Variants in GPR153 observed in about 807,000 individuals in gnomAD.
GPR153 encodes the protein probable G protein-coupled receptor 153.
GPR153 carries 27 observed loss-of-function variants against 34.1 expected under a neutral mutation model. That is an observed-to-expected ratio of 0.79 (90% CI 0.58 to 1.09). GPR153 has a LOEUF of 1.09. GPR153 is among the 50% of genes least tolerant of loss of function. The pLI, the probability that GPR153 is intolerant of heterozygous loss-of-function variation, is 0.00. For missense variants in GPR153, 848 were observed against 860.2 expected (o/e 0.99, Z 0.18); for synonymous variants, 408 against 405.4 (o/e 1.01, Z -0.08).
rs553385679 is a variant in GPR153 at position 6,249,016 on chromosome 1, G to C, written c.*322C>G. On this transcript the variant is annotated 3_prime_UTR_variant, in exon 6 of 6. Coordinates refer to ENST00000377893, the MANE Select transcript of GPR153 (RefSeq NM_207370.4). This position sits in a 1 kb window ranked among gnomAD's most constrained non-coding sequence, Gnocchi z 4.3. ...TTCCCTGCTCCCGACGTCCTGTTGCGCAGGGCTGGTGATGGCGCAGCTGGA... is the reference window on the plus strand; with the variant it reads ...TTCCCTGCTCCCGACGTCCTGTTGCCCAGGGCTGGTGATGGCGCAGCTGGA... 4.2e-6 allele frequency: 1 copy of C among 238,220 alleles called. No homozygotes were observed. Among genetic ancestry groups the C allele is most frequent in the African/African-American group, 2.2e-5 (1 of 44,486 alleles). The allele number at this position is 238,220 out of a possible 1,614,324, so 14.8% of individuals were successfully genotyped here. A position where few individuals can be genotyped will look rare whatever the true frequency, so the allele number is the denominator to read the frequency against.
rs772344924 is a variant in GPR153 at position 6,251,339 on chromosome 1, A to G, written c.978T>C (p.Asp326=). Residue 326 remains aspartate, a splice_region_variant and synonymous_variant, in exon 4 of 6, where the codon GAT becomes GAC. Transcript: ENST00000377893. The surrounding 1 kb of genome is among the most constrained non-coding windows in gnomAD (Gnocchi z 4.9). ...ALMANDEESD[D]ETSLEGGISP... is the part of the protein sequence containing the mutation. ...GGGCCACTCTCAGGCCATCCTCACC[A>G]TCGTCTGACTCCTCGTCGTTGGCCA... 1 of 1,601,236 alleles carries G rather than the reference A, an allele frequency of 6.2e-7. No homozygotes were observed.
chr1:6,257,519 CT>C (rs1270062646), intron 1 of GPR153, among the ~76,000 whole-genome samples: 1 of 152,256 alleles, frequency 6.6e-6, no homozygotes, highest in Non-Finnish European at 1.5e-5. Flanking sequence ...TGCCATGCTT[CT>C]TCCGCGGGGA....
chr1:6,249,541 T>C lies in GPR153; in HGVS notation c.1627A>G (p.Ser543Gly). 1 of 1,199,260 alleles carries C rather than the reference T, an allele frequency of 8.3e-7. No homozygotes were observed. The highest frequency in any genetic ancestry group is 1.0e-6 in the Non-Finnish European group (1 of 967,668). The allele number at this position is 1,199,260 out of a possible 1,614,324, so 74.3% of individuals were successfully genotyped here. The change falls in exon 6 of 6, where the codon AGC (serine) becomes GGC (glycine). Residue 543 changes from serine (S) to glycine (G), a missense_variant. Ser to Gly is a moderately conservative substitution (Grantham distance 56, BLOSUM62 0). Transcript: ENST00000377893. The surrounding 1 kb of genome is among the most constrained non-coding windows in gnomAD (Gnocchi z 4.3). ...CGTGGCCCTGGGCTCCGCTGGGCGCTGCTTGGGGGCGTCGGGGCCTCTCCG... is the reference window on the plus strand; with the variant it reads ...CGTGGCCCTGGGCTCCGCTGGGCGCCGCTTGGGGGCGTCGGGGCCTCTCCG... ...DPGEAPTPPSSAQRSPGPRPS... is the reference protein window; with the variant it reads ...DPGEAPTPPSGAQRSPGPRPS...
Position 6,250,557 on chromosome 1 carries a change from T to G in GPR153, c.1047A>C (p.Gly349=). 6.3e-7 allele frequency: 1 copy of G among 1,597,752 alleles called. No homozygotes were observed. Among genetic ancestry groups the G allele is most frequent in the Non-Finnish European group, 8.5e-7 (1 of 1,173,516 alleles). ...VLERSLDYGY[G]GDFVALDRMA... is the part of the protein sequence containing the mutation. ...TCCTATCTAGGGCCACAAAATCACCTCCATAGCCATAGTCCAGGGAGCGCT... is the reference window on the plus strand; with the variant it reads ...TCCTATCTAGGGCCACAAAATCACCGCCATAGCCATAGTCCAGGGAGCGCT... The change falls in exon 5 of 6, where the codon GGA becomes GGC. Residue 349 remains glycine (G), a synonymous_variant. Transcript: ENST00000377893.
At position 6,253,839 on chromosome 1, in the gene GPR153, G is replaced by GC; in HGVS notation, c.664dup (p.Ala222GlyfsTer85). On this transcript the variant is annotated frameshift_variant, in exon 3 of 6. Coordinates refer to ENST00000377893, the MANE Select transcript of GPR153 (RefSeq NM_207370.4). LOFTEE classifies it high-confidence loss of function. ...GATGGAGGAGCGCCGCTTGCCCTGC[G>GC]CGTCCTCCACCACGATGGTGGGCAC... The GC allele has an allele frequency of 1.9e-6, 3 of 1,601,988 alleles. No homozygotes were observed. The highest frequency in any genetic ancestry group is 2.6e-6 in the Non-Finnish European group (3 of 1,171,928).
At chr1:6,254,264 A>G in intron 2 of GPR153, 117 bp from the exon 3 acceptor site, 1 of 947,118 alleles carries the variant, frequency 1.1e-6, no homozygotes, top group Non-Finnish European at 1.6e-6. Flanking sequence ...CCAGTATATC[A>G]TAGTCATGGC....
rs1304352246 is a variant in GPR153, at chr1:6,260,380, C to CA, written c.-110+444_-110+445insT. ...CCCAACCCCCTGGGGCTCCGATCCC[C>CA]CCCCCCCCCCGCAATCCCCGCTCCG... is the stretch of plus-strand genomic sequence containing the variant. On this transcript the variant is annotated intron_variant, in intron 1 of 5. Transcript: ENST00000377893. Among the ~76,000 whole-genome samples, 14 of 51,948 alleles carry CA rather than the reference C, an allele frequency of 2.7e-4. 1 individual carries two copies. The highest frequency in any genetic ancestry group is 5.3e-4 in the African/African-American group (6 of 11,346). The allele number at this position is 51,948 out of a possible 152,430, so 34.1% of individuals were successfully genotyped here.
At position 6,249,689 on chromosome 1, in the gene GPR153, G is replaced by T; in HGVS notation, c.1479C>A (p.Ser493=). Residue 493 remains serine, a synonymous_variant, in exon 6 of 6, where the codon TCC becomes TCA. Transcript: ENST00000377893. This position sits in a 1 kb window ranked among gnomAD's most constrained non-coding sequence, Gnocchi z 4.3. ...PRRRPGPGPR[S]ASASLLPDAF... Reference sequence around the variant, plus strand: ...CGTCGGGCAGCAGCGAGGCCGAGGCGGAGCGGGGGCCGGGCCCGGGGCGGC... The same window carrying T: ...CGTCGGGCAGCAGCGAGGCCGAGGCTGAGCGGGGGCCGGGCCCGGGGCGGC... The T allele has an allele frequency of 9.5e-7, 1 of 1,049,808 alleles. No individual in the cohort carries two copies. 65.0% of individuals were successfully genotyped at this position (1,049,808 alleles called of 1,614,324 possible). A position where few individuals can be genotyped will look rare whatever the true frequency, so the allele number is the denominator to read the frequency against.
In GPR153 at chr1:6,251,002, AG is replaced by A. The variant is rs1385400879; in HGVS notation, c.979+335del. Among the ~76,000 whole-genome samples, 1 of 151,980 alleles carries A rather than the reference AG, an allele frequency of 6.6e-6. No individual in the cohort carries two copies. The highest frequency in any genetic ancestry group is 1.5e-5 in the Non-Finnish European group (1 of 67,986). ...TCCAGACAGGACCTCGGTCTGCAGG[AG>A]CCCCCAGGGCAGCTTGCTGGGGATC... is the stretch of plus-strand genomic sequence containing the variant. On this transcript the variant is annotated intron_variant, in intron 4 of 5. Coordinates refer to ENST00000377893, the MANE Select transcript of GPR153 (RefSeq NM_207370.4). This position sits in a 1 kb window ranked among gnomAD's most constrained non-coding sequence, Gnocchi z 4.9.
In GPR153 at chr1:6,247,855, C is replaced by G. The variant is rs1399691218; in HGVS notation, c.*1483G>C. The G allele has an allele frequency of 1.3e-5, 2 of 152,346 alleles. No individual in the cohort carries two copies. Among genetic ancestry groups the G allele is most frequent in the African/African-American group, 4.8e-5 (2 of 41,480 alleles). 9.4% of individuals were successfully genotyped at this position (152,346 alleles called of 1,614,324 possible). On this transcript the variant is annotated 3_prime_UTR_variant, in exon 6 of 6. Coordinates refer to ENST00000377893, the MANE Select transcript of GPR153 (RefSeq NM_207370.4). ...CACCTGTGGCCACAGCTCATACCCC[C>G]AGTTACCCCACAGCCAGGGACTGGA...
At position 6,258,161 on chromosome 1, in the gene GPR153, G is replaced by A. The variant is rs575817974; in HGVS notation, c.-110+2664C>T. Among the ~76,000 whole-genome samples, 38 of 152,072 alleles carry A rather than the reference G, an allele frequency of 2.5e-4. No individual in the cohort carries two copies. In the South Asian group the frequency reaches 7.5e-3, roughly 30 times the overall value. On this transcript the variant is annotated intron_variant, in intron 1 of 5. Transcript: ENST00000377893. ...TCCAGAGTTCTTTCTTTTTTTTTGAGATGGAGTTTTACTCTTATTACCCAG... is the reference window on the plus strand; with the variant it reads ...TCCAGAGTTCTTTCTTTTTTTTTGAAATGGAGTTTTACTCTTATTACCCAG...
Position 6,250,575 on chromosome 1 carries a change from G to GGAGC in GPR153, c.1025_1028dup (p.Asp345ProfsTer8), listed in dbSNP as rs747236159. ...AATCACCTCCATAGCCATAGTCCAG[G>GGAGC]GAGCGCTCCAACACCAGGTCCGGGG... On this transcript the variant is annotated frameshift_variant, in exon 5 of 6. Coordinates refer to ENST00000377893, the MANE Select transcript of GPR153 (RefSeq NM_207370.4). LOFTEE classifies it high-confidence loss of function. The GGAGC allele has an allele frequency of 2.5e-6, 4 of 1,587,562 alleles. No individual in the cohort carries two copies. The highest frequency in any genetic ancestry group is 2.6e-6 in the Non-Finnish European group (3 of 1,168,362).
chr1:6,255,650 T>TTTG (rs1638552969), intron 1 of GPR153, among the ~76,000 whole-genome samples: 2 of 124,154 alleles, frequency 1.6e-5, no homozygotes, highest in African/African-American at 7.0e-5. Flanking sequence ...ACGTTTTTTT[T>TTTG]TTTTTTTTTT....
intron 5 of GPR153, 161 bp from the exon 6 acceptor site, chr1:6,250,164 C>T (rs1247468398): frequency 5.1e-6 from 5 of 985,292 alleles, no homozygotes; most frequent in African/African-American, 1.7e-5. Flanking sequence ...CTCTTCGAGC[C>T]GCAGGGCTGT....
chr1:6,257,580 G>A (rs1309990325), intron 1 of GPR153, among the ~76,000 whole-genome samples: 1 of 152,224 alleles, frequency 6.6e-6, no homozygotes, highest in Non-Finnish European at 1.5e-5. Flanking sequence ...CCCAGGTCTG[G>A]CACACACTGG....
chr1:6,249,036 G>T lies in GPR153; in HGVS notation c.*302C>A. 1 of 273,866 alleles carries T rather than the reference G, an allele frequency of 3.7e-6. No individual in the cohort carries two copies. Among genetic ancestry groups the T allele is most frequent in the Non-Finnish European group, 6.8e-6 (1 of 146,730 alleles). 17.0% of individuals were successfully genotyped at this position (273,866 alleles called of 1,614,324 possible). ...GTTGCGCAGGGCTGGTGATGGCGCAGCTGGACGTGTGCACATGTCACTCAC... is the reference window on the plus strand; with the variant it reads ...GTTGCGCAGGGCTGGTGATGGCGCATCTGGACGTGTGCACATGTCACTCAC... On this transcript the variant is annotated 3_prime_UTR_variant, in exon 6 of 6. Coordinates refer to ENST00000377893, the MANE Select transcript of GPR153 (RefSeq NM_207370.4). The surrounding 1 kb of genome is among the most constrained non-coding windows in gnomAD (Gnocchi z 4.3).
In GPR153 at chr1:6,254,421, C is replaced by A. The variant is rs141865266; in HGVS notation, c.356+129G>T. 9.2e-4 allele frequency: 843 copies of A among 915,628 alleles called. 1 individual carries two copies. The African/African-American group carries it at 0.012, about 13-fold the overall frequency. The allele number at this position is 915,628 out of a possible 1,614,324, so 56.7% of individuals were successfully genotyped here. On this transcript the variant is annotated intron_variant, in intron 2 of 5. Coordinates refer to ENST00000377893, the MANE Select transcript of GPR153 (RefSeq NM_207370.4). Reference sequence around the variant, plus strand: ...CCCCCAGCAGCTTACAGCAGCCCCTCCTGAGCCTGCCTGCCCTCCCAGCAT... The same window carrying A: ...CCCCCAGCAGCTTACAGCAGCCCCTACTGAGCCTGCCTGCCCTCCCAGCAT...
chr1:6,255,642 GTTTTTTTTTTTTT>G (rs59403526), intron 1 of GPR153, among the ~76,000 whole-genome samples: 3 of 38,840 alleles, frequency 7.7e-5, no homozygotes, highest in Admixed American at 4.9e-4. Context: ...GCCTGGCTAC[GTTTTTTTTTTTTT>G]TTTTTTTTTT....
chr1:6,260,616 G>C (rs972964406), intron 1 of GPR153, among the ~76,000 whole-genome samples: 19 of 151,912 alleles, frequency 1.3e-4, no homozygotes, highest in Admixed American at 1.2e-3. Context: ...GCTAGGCCCC[G>C]ATGCAGGGGG....
Sources: gnomAD v4.1 joint callset for allele counts (sites outside exome capture counted in the v4.1 genomes callset) on GRCh38, gnomAD v4.1.1 for gene constraint, Gnocchi (gnomAD v3.1) non-coding constraint, MANE v1.5 for transcripts, NCBI Gene and HGNC (gene_info 2026-07-23, HGNC 2026-07-21) for gene names.